CLNK: variants seen among roughly 807,000 people sequenced by gnomAD.
The protein encoded by CLNK is cytokine dependent hematopoietic cell linker, also known as cytokine-dependent hematopoietic cell linker.
Under a neutral mutation model 68.6 loss-of-function variants are expected in CLNK, and 74 were observed. The ratio of observed to expected loss-of-function variants is 1.08; its 90% CI spans 0.89 to 1.31. The LOEUF (loss-of-function observed/expected upper bound fraction) is 1.31. CLNK is among the 50% of genes most tolerant of loss of function. The pLI is 0.00. For missense variants in CLNK, 553 were observed against 515.3 expected (o/e 1.07, Z -0.71); for synonymous variants, 198 against 172.2 (o/e 1.15, Z -1.17).
intron 2 of CLNK, among the ~76,000 whole-genome samples, chr4:10,601,401 TACC>T: frequency 6.6e-6 from 1 of 152,242 alleles, no homozygotes; most frequent in South Asian, 2.1e-4. Flanking sequence ...AAGAGCCATC[TACC>T]TAGACAGTAA....
chr4:10,715,224 CCCCT>C, the CLNK span, among the ~76,000 whole-genome samples: 1 of 152,156 alleles, frequency 6.6e-6, no homozygotes, highest in Non-Finnish European at 1.5e-5. Context: ...GAACCATAAG[CCCCT>C]CTCTAGACCT....
chr4:10,597,945 C>A, intron 3 of CLNK, 33 bp downstream of exon 3: 1 of 1,423,048 alleles, frequency 7.0e-7, no homozygotes, highest in Non-Finnish European at 9.6e-7. Context: ...AAAATTTTCA[C>A]TCCTCTATTA....
intron 5 of CLNK, among the ~76,000 whole-genome samples, chr4:10,567,150 A>AG (rs1720154674): frequency 7.2e-6 from 1 of 138,816 alleles, no homozygotes. Context: ...AAAAAAAAAA[A>AG]AGATAAAGTT....
In CLNK at chr4:10,605,066, A is replaced by C. The variant is rs1395807081; in HGVS notation, c.12-7017T>G. The stretch of plus-strand genomic sequence containing the variant: ...AATTATGCCTCAAGACTGCACCATA[A>C]AAAGCCTGCCTGAGTTTCCAGCCTA... On this transcript the variant is annotated intron_variant, in intron 2 of 18. Coordinates refer to ENST00000226951, the MANE Select transcript of CLNK (RefSeq NM_052964.4). Among the ~76,000 whole-genome samples, 5 of 152,188 alleles carry C rather than the reference A, an allele frequency of 3.3e-5. No individual in the cohort carries two copies. In the East Asian group the frequency reaches 9.6e-4, roughly 29 times the overall value.
chr4:10,549,318 C>G (rs1435173052), intron 8 of CLNK, among the ~76,000 whole-genome samples: 1 of 152,148 alleles, frequency 6.6e-6, no homozygotes, highest in Non-Finnish European at 1.5e-5. Flanking sequence ...ACTTGTCTAC[C>G]ATTATACAGC....
At chr4:10,577,607 G>GT (rs1168053900) in intron 4 of CLNK, among the ~76,000 whole-genome samples, 21 of 151,778 alleles carry the variant, frequency 1.4e-4, no homozygotes, top group Admixed American at 9.9e-4. Context: ...TCTCCTTTTT[G>GT]TTTTCTTTCT....
At chr4:10,490,662 C>T (rs1716531406) in intron 18 of CLNK, 49 bp from the exon 19 acceptor site, 1 of 1,492,810 alleles carries the variant, frequency 6.7e-7, no homozygotes, top group East Asian at 2.5e-5. Context: ...TCTTTTGTGT[C>T]TGTAGGTTAA....
chr4:10,594,616 A>T (rs1721318591), intron 3 of CLNK, among the ~76,000 whole-genome samples: 1 of 152,078 alleles, frequency 6.6e-6, no homozygotes. Context: ...ACTGTTATAG[A>T]TGTGGCTGTG....
chr4:10,668,422 G>T (rs13115026), intron 1 of CLNK, among the ~76,000 whole-genome samples: 1 of 151,992 alleles, frequency 6.6e-6, no homozygotes, highest in Admixed American at 6.5e-5. Context: ...ATATAAATTA[G>T]CAGCAGAGAC....
chr4:10,557,613 C>G (rs897455891), intron 8 of CLNK, among the ~76,000 whole-genome samples: 3 of 152,224 alleles, frequency 2.0e-5, no homozygotes. Context: ...TCCCCCTATA[C>G]CACAATCACC....
At chr4:10,581,724 G>T (rs954468568) in intron 4 of CLNK, among the ~76,000 whole-genome samples, 1 of 152,042 alleles carries the variant, frequency 6.6e-6, no homozygotes, top group Non-Finnish European at 1.5e-5. Context: ...TTGAATGAAT[G>T]GATGGGTGAG....
At chr4:10,586,474 C>A (rs903362380) in intron 3 of CLNK, among the ~76,000 whole-genome samples, 1 of 151,728 alleles carries the variant, frequency 6.6e-6, no homozygotes. Flanking sequence ...GCCACCACGC[C>A]TGGCTAATTT....
In CLNK at chr4:10,641,485, G is replaced by A. The variant is rs774315012; in HGVS notation, c.11+26374C>T. On this transcript the variant is annotated intron_variant, in intron 2 of 18. Coordinates refer to ENST00000226951, the MANE Select transcript of CLNK (RefSeq NM_052964.4). The stretch of plus-strand genomic sequence containing the variant: ...TGGAGACCCCATTGCCCTTGGGATA[G>A]AATCCAGACGTTATGCCAAGACTGT... 2.0e-5 allele frequency among the ~76,000 whole-genome samples: 3 copies of A among 152,186 alleles called. No homozygotes were observed. The East Asian group carries it at 5.8e-4, about 29-fold the overall frequency.
At chr4:10,720,751 G>T in the CLNK span, among the ~76,000 whole-genome samples, 1 of 150,814 alleles carries the variant, frequency 6.6e-6, no homozygotes, top group East Asian at 1.9e-4. Context: ...ATTGCTGATG[G>T]GAATGTAAAA....
chr4:10,498,449 G>A (rs1473140581), intron 18 of CLNK, among the ~76,000 whole-genome samples: 2 of 152,138 alleles, frequency 1.3e-5, no homozygotes, highest in Non-Finnish European at 2.9e-5. Flanking sequence ...CCGAGATCGC[G>A]CCACTGCACT....
intron 4 of CLNK, among the ~76,000 whole-genome samples, chr4:10,583,452 A>G (rs1220243189): frequency 6.6e-6 from 1 of 151,746 alleles, no homozygotes; most frequent in Non-Finnish European, 1.5e-5. Flanking sequence ...ATGCCCAGAT[A>G]ATTTTAGTAT....
At position 10,490,095 on chromosome 4, in the gene CLNK, A is replaced by G. The variant is rs13127079; in HGVS notation, c.*372T>C. On this transcript the variant is annotated 3_prime_UTR_variant, in exon 19 of 19. Coordinates refer to ENST00000226951, the MANE Select transcript of CLNK (RefSeq NM_052964.4). ...TTTCCCATAGACTTGTCTTGCACTG[A>G]CTGCAAACATTTAAGCAACAGCTTC... 137,361 of 189,090 alleles carry G rather than the reference A, an allele frequency of 0.73. 50,575 individuals carry two copies. Among genetic ancestry groups the G allele is most frequent in the Non-Finnish European group, 0.79 (72,537 of 92,098 alleles). The allele number at this position is 189,090 out of a possible 1,614,324, so 11.7% of individuals were successfully genotyped here.
chr4:10,668,166 A>ACATAAC (rs1724481804), intron 1 of CLNK, among the ~76,000 whole-genome samples: 1 of 152,016 alleles, frequency 6.6e-6, no homozygotes, highest in Non-Finnish European at 1.5e-5. Context: ...GCAAACATAA[A>ACATAAC]CTGAGCCTGG....
intron 4 of CLNK, among the ~76,000 whole-genome samples, chr4:10,583,805 G>T (rs1439918152): frequency 6.6e-6 from 1 of 152,204 alleles, no homozygotes; most frequent in Non-Finnish European, 1.5e-5. Context: ...CTTAACCAAG[G>T]TGGGGAGCAA....
Sources: allele counts gnomAD v4.1 joint callset (sites outside exome capture counted in the v4.1 genomes callset), GRCh38; gene constraint gnomAD v4.1.1; transcripts MANE v1.5; gene names NCBI Gene and HGNC (gene_info 2026-07-23, HGNC 2026-07-21).